The following TJP3 variants were observed in gnomAD, a reference collection of about 807,000 sequenced individuals.
The protein encoded by TJP3 is tight junction protein 3.
A neutral mutation model predicts 104.2 loss-of-function variants in TJP3; 85 were observed. The ratio of observed to expected loss-of-function variants is 0.82; its 90% CI spans 0.68 to 0.98. TJP3 has a LOEUF of 0.98. Ranked by LOEUF, TJP3 falls within the 50% of genes least tolerant of loss-of-function variation. TJP3 has a pLI of 0.00. For synonymous variants in TJP3, 550 were observed against 550.6 expected (o/e 1.00, Z 0.02); for missense variants, 1,367 against 1,322.8 (o/e 1.03, Z -0.52).
Position 3,731,942 on chromosome 19 carries a change from C to T in TJP3, c.621C>T (p.Gly207=), listed in dbSNP as rs755124252. Residue 207 remains glycine (G), a synonymous_variant, in exon 6 of 21, where the codon GGC becomes GGT. Coordinates refer to ENST00000541714, the MANE Select transcript of TJP3 (RefSeq NM_001267560.2). The part of the protein sequence containing the change: ...LVKRRDSEEF[G]VKLGSQIFIK... ...CCTCCTCCCCCCTTACAGAGTTTGG[C>T]GTCAAGCTGGGCAGTCAGATCTTCA... The T allele has an allele frequency of 3.1e-6, 5 of 1,612,696 alleles. No individual in the cohort carries two copies. The highest frequency in any genetic ancestry group is 2.2e-5 in the South Asian group (2 of 90,824).
At chr19:3,722,443 C>T (rs991176696) in intron 1 of TJP3, among the ~76,000 whole-genome samples, 2 of 151,988 alleles carry the variant, frequency 1.3e-5, no homozygotes, top group Non-Finnish European at 2.9e-5. Flanking sequence ...CTTTGGTGAA[C>T]ATTCACCTCC....
intron 1 of TJP3, among the ~76,000 whole-genome samples, chr19:3,718,831 C>T (rs758185280): frequency 2.0e-5 from 3 of 152,030 alleles, no homozygotes; most frequent in South Asian, 2.1e-4. Flanking sequence ...GTGTGCGGGC[C>T]GGTAGGGAAT....
intron 19 of TJP3, 68 bp downstream of exon 19, chr19:3,748,149 A>G: frequency 6.9e-7 from 1 of 1,452,866 alleles, no homozygotes. Context: ...GAGCAGACAC[A>G]CACTGGGAGC....
Position 3,734,301 on chromosome 19 carries a change from T to C in TJP3, c.878-26T>C, listed in dbSNP as rs3746121. 4.6e-4 allele frequency: 746 copies of C among 1,610,154 alleles called. 5 individuals are homozygous for C. The East Asian group carries it at 0.01, about 22-fold the overall frequency. On this transcript the variant is annotated intron_variant, in intron 7 of 20. Coordinates refer to ENST00000541714, the MANE Select transcript of TJP3 (RefSeq NM_001267560.2). Reference sequence around the variant, plus strand: ...CCAGTCCAGAAGGCGTGACCATGGCTGATGAGATGTCCTCTCCCCCTGCAG... The same window carrying C: ...CCAGTCCAGAAGGCGTGACCATGGCCGATGAGATGTCCTCTCCCCCTGCAG...
chr19:3,712,265 G>A (rs945477822), intron 1 of TJP3, among the ~76,000 whole-genome samples: 3 of 152,162 alleles, frequency 2.0e-5, no homozygotes, highest in African/African-American at 4.8e-5. Context: ...GCAGTGAGCC[G>A]GGATCGCACC....
At chr19:3,723,500 T>C (rs2036564176) in intron 1 of TJP3, among the ~76,000 whole-genome samples, 1 of 151,870 alleles carries the variant, frequency 6.6e-6, no homozygotes, top group African/African-American at 2.4e-5. Flanking sequence ...GAATAAAAAA[T>C]AATAAAACAG....
rs1030854172 is a variant in TJP3 at position 3,718,689 on chromosome 19, G to A, written c.-9-9735G>A. ...TCACAATGTTGGCCAGGCTGGTCTC[G>A]AACTCCTGACCTCAGGTGATCTGCC... On this transcript the variant is annotated intron_variant, in intron 1 of 20. Transcript: ENST00000541714. Among the ~76,000 whole-genome samples, 27 of 151,292 alleles carry A rather than the reference G, an allele frequency of 1.8e-4. 1 individual carries two copies. Among genetic ancestry groups the A allele is most frequent in the African/African-American group, 6.1e-4 (25 of 41,228 alleles).
chr19:3,722,057 C>G lies in TJP3; in HGVS notation c.-9-6367C>G. On this transcript the variant is annotated intron_variant, in intron 1 of 20. Transcript: ENST00000541714. ...ACTGAGTCCCAGAGGGATGAAGTGGCTAGCTGGAGGTTGCACTTCGAGATG... is the reference window on the plus strand; with the variant it reads ...ACTGAGTCCCAGAGGGATGAAGTGGGTAGCTGGAGGTTGCACTTCGAGATG... The G allele has an allele frequency of 6.9e-6, 3 of 437,626 alleles. No individual in the cohort carries two copies. The East Asian group carries it at 1.1e-4, about 16-fold the overall frequency. The allele number at this position is 437,626 out of a possible 1,614,324, so 27.1% of individuals were successfully genotyped here.
intron 1 of TJP3, among the ~76,000 whole-genome samples, chr19:3,721,414 A>G (rs751852829): frequency 2.0e-5 from 3 of 152,170 alleles, no homozygotes; most frequent in Admixed American, 6.5e-5. Flanking sequence ...CTGGCCTTCG[A>G]CAAGCTTCTA....
At chr19:3,731,608 C>T (rs539582193) in intron 5 of TJP3, among the ~76,000 whole-genome samples, 41 of 151,950 alleles carry the variant, frequency 2.7e-4, no homozygotes, top group Admixed American at 1.8e-3. Flanking sequence ...ACTCCAGCCC[C>T]GGCGATAGGA....
rs1234460808 is a variant in TJP3 at position 3,746,420 on chromosome 19, A to T, written c.2011-65A>T. 3.9e-6 allele frequency: 6 copies of T among 1,529,408 alleles called. No homozygotes were observed. The highest frequency in any genetic ancestry group is 3.5e-5 in the Admixed American group (2 of 57,554). The allele number at this position is 1,529,408 out of a possible 1,614,324, so 94.7% of individuals were successfully genotyped here. A position where few individuals can be genotyped will look rare whatever the true frequency, so the allele number is the denominator to read the frequency against. On this transcript the variant is annotated intron_variant, in intron 16 of 20. Coordinates refer to ENST00000541714, the MANE Select transcript of TJP3 (RefSeq NM_001267560.2). This position sits in a 1 kb window ranked among gnomAD's most constrained non-coding sequence, Gnocchi z 4.1. ...CTGACCTCAGACTCTTCATCTTTCT[A>T]TCTTTCTCTCTCTGTTTACCCTGCT...
intron 15 of TJP3, among the ~76,000 whole-genome samples, chr19:3,745,293 G>C (rs577322092): frequency 6.6e-6 from 1 of 151,596 alleles, no homozygotes; most frequent in African/African-American, 2.4e-5. Flanking sequence ...TTACAGGCAC[G>C]CGCCACCATG....
rs757107253 is a variant in TJP3 at position 3,730,741 on chromosome 19, C to T, written c.613+35C>T. The stretch of plus-strand genomic sequence containing the variant: ...GGCGGGAGGTCGGACACGATCAGTA[C>T]TGGACACAGGGCACCGTGGTCGGAT... On this transcript the variant is annotated intron_variant, in intron 5 of 20. Coordinates refer to ENST00000541714, the MANE Select transcript of TJP3 (RefSeq NM_001267560.2). This position sits in a 1 kb window ranked among gnomAD's most constrained non-coding sequence, Gnocchi z 7.3. 5.1e-6 allele frequency: 8 copies of T among 1,577,780 alleles called. No homozygotes were observed. The South Asian group carries it at 9.0e-5, about 18-fold the overall frequency.
At chr19:3,725,813 C>T (rs1044792323) in intron 1 of TJP3, among the ~76,000 whole-genome samples, 1 of 152,178 alleles carries the variant, frequency 6.6e-6, no homozygotes, top group Non-Finnish European at 1.5e-5. Context: ...CAAACCACAT[C>T]CCTGCAAGAC....
In TJP3 at chr19:3,718,610, A is replaced by G. The variant is rs1448634879; in HGVS notation, c.-9-9814A>G. ...CAGCCTCCCTAGTAGCTGGGACTACAGACGTGCGCCACCACGCCCAGCTAA... is the reference window on the plus strand; with the variant it reads ...CAGCCTCCCTAGTAGCTGGGACTACGGACGTGCGCCACCACGCCCAGCTAA... On this transcript the variant is annotated intron_variant, in intron 1 of 20. Transcript: ENST00000541714. Among the ~76,000 whole-genome samples the G allele has an allele frequency of 3.3e-5, 5 of 151,874 alleles. No homozygotes were observed. In the East Asian group the frequency reaches 9.8e-4, roughly 30 times the overall value.
At chr19:3,741,976 A>C (rs2036828075) in intron 14 of TJP3, among the ~76,000 whole-genome samples, 1 of 152,100 alleles carries the variant, frequency 6.6e-6, no homozygotes, top group African/African-American at 2.4e-5. Flanking sequence ...GTCTCAAAAA[A>C]AACAAAAAAA....
chr19:3,744,007 G>A lies in TJP3; in HGVS notation c.1912G>A (p.Glu638Lys), dbSNP rs770618401. ...ADIAMQKLTA[E>K]MPDQFEIAET... The stretch of plus-strand genomic sequence containing the variant: ...CATTGCTATGCAGAAGTTGACTGCT[G>A]AGATGCCTGACCAGTTTGAAATCGC... The change falls in exon 15 of 21, where the codon GAG becomes AAG. Residue 638 changes from glutamate to lysine, a missense_variant. Physicochemically the swap from Glu to Lys is moderately conservative, Grantham distance 56. Transcript: ENST00000541714. 2 of 1,614,152 alleles carry A rather than the reference G, an allele frequency of 1.2e-6. No homozygotes were observed. The highest frequency in any genetic ancestry group is 2.2e-5 in the South Asian group (2 of 91,076).
chr19:3,711,748 A>AAAAAGAAG (rs377487730), intron 1 of TJP3, among the ~76,000 whole-genome samples: 3 of 128,166 alleles, frequency 2.3e-5, no homozygotes, highest in African/African-American at 9.0e-5. Context: ...AAAAAAAAAA[A>AAAAAGAAG]AAAGGTGCTT....
At chr19:3,712,102 G>GC (rs35588289) in intron 1 of TJP3, among the ~76,000 whole-genome samples, 1 of 152,144 alleles carries the variant, frequency 6.6e-6, no homozygotes, top group Non-Finnish European at 1.5e-5. Flanking sequence ...GGTCACTTGA[G>GC]CCCAGGAGTT....
Sources: allele counts gnomAD v4.1 joint callset (sites outside exome capture counted in the v4.1 genomes callset), GRCh38; gene constraint gnomAD v4.1.1; non-coding constraint Gnocchi (gnomAD v3.1); transcripts MANE v1.5; gene names NCBI Gene and HGNC (gene_info 2026-07-23, HGNC 2026-07-21).